Variants in C10orf105 observed in about 807,000 individuals in gnomAD.
The protein encoded by C10orf105 is chromosome 10 open reading frame 105.
A neutral mutation model predicts 0.6 loss-of-function variants in C10orf105; 2 were observed. That is an observed-to-expected ratio of 3.18 (90% CI 1.30 to 10.01). The LOEUF is 10.01. C10orf105 is among the 30% of genes most tolerant of loss of function. The probability of loss-of-function intolerance (pLI) is 0.04; values close to 1 mark genes in which losing one functional copy is unlikely to be tolerated. For missense variants in C10orf105, 209 were observed against 191.4 expected (o/e 1.09, Z -0.54); for synonymous variants, 95 against 82.4 (o/e 1.15, Z -0.83).
Position 71,715,224 on chromosome 10 carries a change from G to A in C10orf105, c.*712C>T, listed in dbSNP as rs954136684. ...CAGCACCCGCCCTGGCCTCTGAAGG[G>A]AGCCTCCTCGATCATCTTCAATCCC... On this transcript the variant is annotated 3_prime_UTR_variant, in exon 2 of 2. Transcript: ENST00000441508. The A allele has an allele frequency of 6.6e-6, 1 of 152,310 alleles. No individual in the cohort carries two copies. The highest frequency in any genetic ancestry group is 2.4e-5 in the African/African-American group (1 of 41,466). The allele number at this position is 152,310 out of a possible 1,614,324, so 9.4% of individuals were successfully genotyped here.
intron 1 of C10orf105, chr10:71,732,711 G>C: frequency 3.2e-6 from 4 of 1,257,916 alleles, no homozygotes; most frequent in Non-Finnish European, 3.0e-6. Flanking sequence ...GTAAGATAAA[G>C]TTTATACCTA....
At position 71,715,833 on chromosome 10, in the gene C10orf105, G is replaced by A; in HGVS notation, c.*103C>T. The stretch of plus-strand genomic sequence containing the variant: ...GGGGGGTGAGTGTGTGTCCCAGACT[G>A]CTTGGGCCACTGTCTTCCTGCAGCC... On this transcript the variant is annotated 3_prime_UTR_variant, in exon 2 of 2. Transcript: ENST00000441508. 1 of 1,199,296 alleles carries A rather than the reference G, an allele frequency of 8.3e-7. No individual in the cohort carries two copies. Among genetic ancestry groups the A allele is most frequent in the Non-Finnish European group, 1.1e-6 (1 of 886,638 alleles). 74.3% of individuals were successfully genotyped at this position (1,199,296 alleles called of 1,614,324 possible).
chr10:71,723,297 C>T (rs1285168988), upstream of C10orf105, among the ~76,000 whole-genome samples: 1 of 152,148 alleles, frequency 6.6e-6, no homozygotes, highest in Non-Finnish European at 1.5e-5. Flanking sequence ...CAGTTATTGG[C>T]TTGACAGGAC....
In C10orf105 at chr10:71,712,593, T is replaced by C; in HGVS notation, c.*3343A>G. 3 of 1,562,974 alleles carry C rather than the reference T, an allele frequency of 1.9e-6. No homozygotes were observed. Among genetic ancestry groups the C allele is most frequent in the South Asian group, 2.3e-5 (2 of 86,670 alleles). ...CACCTCTCTGGCCGGTGCCCGGGAG[T>C]GTGCAAAGTCACAGGAAGTGTGCCC... On this transcript the variant is annotated 3_prime_UTR_variant, in exon 2 of 2. Coordinates refer to ENST00000441508, the MANE Select transcript of C10orf105 (RefSeq NM_001164375.3).
Position 71,725,627 on chromosome 10 carries a change from G to C in C10orf105, c.-5-9285C>G, listed in dbSNP as rs958071450. On this transcript the variant is annotated intron_variant, in intron 1 of 1. Coordinates refer to the C10orf105 transcript ENST00000398786. ...GCCTGGTGTGGGCAGGGCCACCACT[G>C]ATTTAGGTGCTGAATGACATCTGGG... The C allele has an allele frequency of 1.2e-5, 16 of 1,293,960 alleles. No individual in the cohort carries two copies. The East Asian group carries it at 4.1e-4, about 33-fold the overall frequency. 80.2% of individuals were successfully genotyped at this position (1,293,960 alleles called of 1,614,324 possible).
At chr10:71,730,331 C>G in intron 1 of C10orf105, 2 of 1,063,886 alleles carry the variant, frequency 1.9e-6, no homozygotes, top group Non-Finnish European at 2.6e-6. Context: ...ACCCACCAGA[C>G]AGGCCTGGGG....
chr10:71,716,446 G>A (rs902027954), intron 1 of C10orf105, 104 bp from the exon 2 acceptor site: 83 of 889,606 alleles, frequency 9.3e-5, no homozygotes, highest in South Asian at 7.2e-5. Flanking sequence ...GCAAGGCACT[G>A]TTAAACTGGA....
intron 1 of C10orf105, chr10:71,717,915 T>A (rs1866355624): frequency 6.6e-6 from 1 of 152,180 alleles, no homozygotes; most frequent in Non-Finnish European, 1.5e-5. Context: ...TAATGTGAAA[T>A]GAATTTTCAA....
rs1839416088 is a variant in C10orf105, at chr10:71,732,258, T to C, written c.-6+5470A>G. On this transcript the variant is annotated intron_variant, in intron 1 of 1. Coordinates refer to the C10orf105 transcript ENST00000398786. ...CCATCCTGGAGAATCTGGCACTGGG[T>C]ACTGAGATTGTGCGGGTCCAGGCCT... 7 of 1,613,692 alleles carry C rather than the reference T, an allele frequency of 4.3e-6. No individual in the cohort carries two copies. Among genetic ancestry groups the C allele is most frequent in the Non-Finnish European group, 5.9e-6 (7 of 1,179,742 alleles).
chr10:71,712,712 G>C lies in C10orf105; in HGVS notation c.*3224C>G, dbSNP rs368487578. On this transcript the variant is annotated 3_prime_UTR_variant, in exon 2 of 2. Coordinates refer to ENST00000441508, the MANE Select transcript of C10orf105 (RefSeq NM_001164375.3). ...ACACACGGGCACAGCCACCGTGTTC[G>C]TCACTGTCCTGGATGTGAATGACAA... 1.2e-5 allele frequency: 19 copies of C among 1,613,592 alleles called. No individual in the cohort carries two copies. The highest frequency in any genetic ancestry group is 1.5e-5 in the Non-Finnish European group (18 of 1,179,874).
intron 1 of C10orf105, among the ~76,000 whole-genome samples, chr10:71,730,900 A>G (rs1839354813): frequency 6.6e-6 from 1 of 152,210 alleles, no homozygotes; most frequent in African/African-American, 2.4e-5. Context: ...TAGCCTTTAG[A>G]GAGGGGCTGG....
upstream of C10orf105, among the ~76,000 whole-genome samples, chr10:71,723,231 C>A (rs1016895255): frequency 2.6e-5 from 4 of 152,152 alleles, no homozygotes; most frequent in African/African-American, 7.2e-5. Context: ...CTGCACTGCC[C>A]TGGGGGGTGT....
At chr10:71,724,299 T>C (rs1045889220), upstream of C10orf105, among the ~76,000 whole-genome samples, 1 of 152,140 alleles carries the variant, frequency 6.6e-6, no homozygotes, top group Admixed American at 6.5e-5. Context: ...GCTTTTTTGA[T>C]TATTTGTTTT....
intron 1 of C10orf105, among the ~76,000 whole-genome samples, chr10:71,727,163 A>G (rs561481528): frequency 6.6e-6 from 1 of 152,354 alleles, no homozygotes; most frequent in African/African-American, 2.4e-5. Flanking sequence ...GGCACTGTTA[A>G]TACCCCCATC....
intron 1 of C10orf105, chr10:71,734,285 T>C: frequency 6.2e-7 from 1 of 1,612,654 alleles, no homozygotes; most frequent in Non-Finnish European, 8.5e-7. Flanking sequence ...GAAGGGCGAC[T>C]TCTATACCTT....
chr10:71,735,385 G>C (rs1390229792), intron 1 of C10orf105, among the ~76,000 whole-genome samples: 1 of 152,218 alleles, frequency 6.6e-6, no homozygotes, highest in African/African-American at 2.4e-5. Flanking sequence ...TCCTAGAAGA[G>C]GCGGCCCGGC....
chr10:71,731,954 C>G, intron 1 of C10orf105: 1 of 1,601,138 alleles, frequency 6.2e-7, no homozygotes, highest in Non-Finnish European at 8.5e-7. Context: ...TCAGTTCTAT[C>G]TGGGACTGCA....
At chr10:71,723,494 G>A (rs1866654734), upstream of C10orf105, among the ~76,000 whole-genome samples, 2 of 152,220 alleles carry the variant, frequency 1.3e-5, no homozygotes, top group African/African-American at 4.8e-5. Context: ...TCTGAAGCTA[G>A]ACTGGGGTGA....
Position 71,712,553 on chromosome 10 carries a change from T to C in C10orf105, c.*3383A>G. 8.1e-7 allele frequency: 1 copy of C among 1,239,562 alleles called. No homozygotes were observed. The highest frequency in any genetic ancestry group is 1.1e-6 in the Non-Finnish European group (1 of 875,546). 76.8% of individuals were successfully genotyped at this position (1,239,562 alleles called of 1,614,324 possible). On this transcript the variant is annotated 3_prime_UTR_variant, in exon 2 of 2. Coordinates refer to ENST00000441508, the MANE Select transcript of C10orf105 (RefSeq NM_001164375.3). ...CACCCCTTGCAAAGGCTAGGGCAGA[T>C]GGGGCGGAACAGGGCACCTCTCTGG...
Sources: gnomAD v4.1 joint callset for allele counts (sites outside exome capture counted in the v4.1 genomes callset) on GRCh38, gnomAD v4.1.1 for gene constraint, MANE v1.5 for transcripts, NCBI Gene and HGNC (gene_info 2026-07-23, HGNC 2026-07-21) for gene names.